The following TOP2B variants were observed in gnomAD, a reference collection of about 807,000 sequenced individuals.
TOP2B encodes the protein DNA topoisomerase II beta, also known as DNA topoisomerase 2-beta.
TOP2B carries 51 observed loss-of-function variants against 193.5 expected under a neutral mutation model. The ratio of observed to expected loss-of-function variants is 0.26; its 90% CI spans 0.21 to 0.33. The LOEUF is 0.33. Ranked by LOEUF, TOP2B falls within the 10% of genes least tolerant of loss-of-function variation. The pLI is 1.00. For missense variants in TOP2B, 1,378 were observed against 1,909.3 expected (o/e 0.72, Z 5.19); for synonymous variants, 634 against 635.7 (o/e 1.00, Z 0.04).
intron 1 of TOP2B, among the ~76,000 whole-genome samples, chr3:25,650,198 C>T (rs113572234): frequency 2.0e-5 from 3 of 152,220 alleles, no homozygotes; most frequent in African/African-American, 7.2e-5. Flanking sequence ...TGGAGAAAGA[C>T]TCTGGTGAAG....
In TOP2B at chr3:25,609,715, A is replaced by G. The variant is rs1702321771; in HGVS notation, c.3787-3T>C. 7.0e-7 allele frequency: 1 copy of G among 1,438,002 alleles called. No individual in the cohort carries two copies. The highest frequency in any genetic ancestry group is 1.8e-4 in the Middle Eastern group (1 of 5,498). The allele number at this position is 1,438,002 out of a possible 1,614,324, so 89.1% of individuals were successfully genotyped here. On this transcript the variant is annotated splice_region_variant and splice_polypyrimidine_tract_variant and intron_variant, in intron 28 of 35. Coordinates refer to ENST00000264331, the MANE Select transcript of TOP2B (RefSeq NM_001330700.2). ...ACTGCTGCAGTATCAAGATCACCCTACATAATAAAAAGAAAATCAAGCCAC... is the reference window on the plus strand; with the variant it reads ...ACTGCTGCAGTATCAAGATCACCCTGCATAATAAAAAGAAAATCAAGCCAC...
chr3:25,641,377 G>T (rs1307401740), intron 4 of TOP2B, among the ~76,000 whole-genome samples: 1 of 151,992 alleles, frequency 6.6e-6, no homozygotes, highest in Non-Finnish European at 1.5e-5. Context: ...GTTTTTAACT[G>T]ACAATTGCCT....
At chr3:25,629,522 T>A (rs1362253670) in intron 13 of TOP2B, among the ~76,000 whole-genome samples, 1 of 152,124 alleles carries the variant, frequency 6.6e-6, no homozygotes, top group Non-Finnish European at 1.5e-5. Context: ...GATAAAAAAT[T>A]GGAAAATTTC....
rs763705195 is a variant in TOP2B at position 25,604,879 on chromosome 3, T to C, written c.4379-9A>G. The C allele has an allele frequency of 2.5e-6, 4 of 1,597,076 alleles. No individual in the cohort carries two copies. The South Asian group carries it at 4.4e-5, about 18-fold the overall frequency. ...GTCAAATTTAGCTGAATCTAAAAAT[T>C]GCAAAGCCTTCTTTTAGTAAAGAGA... On this transcript the variant is annotated splice_polypyrimidine_tract_variant and intron_variant, in intron 32 of 35. Transcript: ENST00000264331.
chr3:25,601,032 G>A (rs369723898), intron 34 of TOP2B, 68 bp downstream of exon 34: 29 of 1,522,560 alleles, frequency 1.9e-5, no homozygotes, highest in African/African-American at 1.5e-4. Flanking sequence ...TAAATTCAAT[G>A]AGGTAGAAAA....
rs142381919 is a variant in TOP2B at position 25,657,031 on chromosome 3, C to T, written c.69+7198G>A. Among the ~76,000 whole-genome samples the T allele has an allele frequency of 1.5e-3, 229 of 152,290 alleles. 6 individuals are homozygous for T. The East Asian group carries it at 0.034, about 23-fold the overall frequency. On this transcript the variant is annotated intron_variant, in intron 1 of 35. Transcript: ENST00000264331. ...ACACAAATAAGATTGGCAGCCTTGGCAGAGTAGAAAGTAGAAATTAACACT... is the reference window on the plus strand; with the variant it reads ...ACACAAATAAGATTGGCAGCCTTGGTAGAGTAGAAAGTAGAAATTAACACT...
intron 29 of TOP2B, 49 bp downstream of exon 29, chr3:25,609,519 A>G: frequency 2.5e-6 from 4 of 1,572,956 alleles, no homozygotes; most frequent in South Asian, 1.2e-5. Flanking sequence ...AATACTCTAT[A>G]CAAATATTTT....
chr3:25,603,647 AT>A (rs1702165173), intron 33 of TOP2B, among the ~76,000 whole-genome samples: 1 of 152,202 alleles, frequency 6.6e-6, no homozygotes, highest in Admixed American at 6.5e-5. Context: ...AAGTATAAGT[AT>A]TTATTTGAGA....
chr3:25,608,246 G>A (rs1288798089), intron 30 of TOP2B, among the ~76,000 whole-genome samples: 3 of 152,116 alleles, frequency 2.0e-5, no homozygotes, highest in Non-Finnish European at 4.4e-5. Context: ...TGCATAAAAA[G>A]ATACCAATTA....
intron 25 of TOP2B, among the ~76,000 whole-genome samples, chr3:25,616,406 A>G (rs1575567442): frequency 7.1e-6 from 1 of 139,956 alleles, no homozygotes; most frequent in Non-Finnish European, 1.5e-5. Context: ...TTTGGTAACC[A>G]AAAGAGGAAA....
At position 25,642,182 on chromosome 3, in the gene TOP2B, G is replaced by T. The variant is rs1703283361; in HGVS notation, c.395+140C>A. 1.4e-5 allele frequency: 7 copies of T among 497,358 alleles called. No individual in the cohort carries two copies. The South Asian group carries it at 3.2e-4, about 23-fold the overall frequency. 30.8% of individuals were successfully genotyped at this position (497,358 alleles called of 1,614,324 possible). On this transcript the variant is annotated intron_variant, in intron 4 of 35. Transcript: ENST00000264331. Reference sequence around the variant, plus strand: ...AAAAGACAATAAATGACACAGAAAAGAGGCAAAAATAACAAAGTCTCAAAC... The same window carrying T: ...AAAAGACAATAAATGACACAGAAAATAGGCAAAAATAACAAAGTCTCAAAC...
chr3:25,650,132 ACT>A (rs1703542644), intron 1 of TOP2B, among the ~76,000 whole-genome samples: 1 of 152,138 alleles, frequency 6.6e-6, no homozygotes, highest in Non-Finnish European at 1.5e-5. Flanking sequence ...TATCATCAAA[ACT>A]CTCATAAAAT....
In TOP2B at chr3:25,627,223, T is replaced by C. The variant is rs1476658670; in HGVS notation, c.1980A>G (p.Arg660=). ...ADMERHRILF[R]YAGPEDDAAI... The stretch of plus-strand genomic sequence containing the variant: ...CAGCATCATCTTCAGGACCAGCATA[T>C]CTAAACAAGATGCGATGCCTTTCCA... The change falls in exon 16 of 36, where the codon AGA becomes AGG. Residue 660 remains arginine (R), a synonymous_variant. Transcript: ENST00000264331. The C allele has an allele frequency of 1.2e-6, 2 of 1,610,182 alleles. No homozygotes were observed. The highest frequency in any genetic ancestry group is 2.2e-5 in the East Asian group (1 of 44,716).
At chr3:25,641,709 A>G in intron 4 of TOP2B, among the ~76,000 whole-genome samples, 1 of 152,134 alleles carries the variant, frequency 6.6e-6, no homozygotes, top group Non-Finnish European at 1.5e-5. Flanking sequence ...TTTTATGTTT[A>G]CTAGAGAAAA....
intron 18 of TOP2B, chr3:25,625,061 A>G (rs1702758995): frequency 3.5e-6 from 1 of 282,800 alleles, no homozygotes; most frequent in Non-Finnish European, 6.7e-6. Flanking sequence ...TTGAAAGACA[A>G]CATTCTGGCC....
At chr3:25,609,489 C>G (rs896253198) in intron 29 of TOP2B, 79 bp downstream of exon 29, 2 of 1,509,038 alleles carry the variant, frequency 1.3e-6, no homozygotes, top group Non-Finnish European at 1.8e-6. Flanking sequence ...AGAAAAAGAG[C>G]ACAATCAAAA....
At chr3:25,660,140 C>G (rs1315361180) in intron 1 of TOP2B, among the ~76,000 whole-genome samples, 2 of 152,130 alleles carry the variant, frequency 1.3e-5, no homozygotes, top group Non-Finnish European at 2.9e-5. Flanking sequence ...AAAAACGTGC[C>G]TAAATACTGC....
In TOP2B at chr3:25,612,617, G is replaced by C; in HGVS notation, c.3684C>G (p.Leu1228=). Reference sequence around the variant, plus strand: ...GTGAGGGCATTGTCTCTTCCAACTGGAGTTTCTTCACCTTAGGTTTGCCAA... The same window carrying C: ...GTGAGGGCATTGTCTCTTCCAACTGCAGTTTCTTCACCTTAGGTTTGCCAA... ...GKVGKPKVKK[L]QLEETMPSPY... is the part of the protein sequence containing the mutation. Residue 1228 remains leucine (L), a synonymous_variant, in exon 28 of 36, where the codon CTC becomes CTG. Transcript: ENST00000264331. 1 of 1,613,616 alleles carries C rather than the reference G, an allele frequency of 6.2e-7. No individual in the cohort carries two copies. The highest frequency in any genetic ancestry group is 8.5e-7 in the Non-Finnish European group (1 of 1,179,784).
intron 1 of TOP2B, among the ~76,000 whole-genome samples, chr3:25,648,258 T>G (rs1456117649): frequency 6.6e-6 from 1 of 152,174 alleles, no homozygotes; most frequent in Non-Finnish European, 1.5e-5. Flanking sequence ...GGAGCTCCAG[T>G]ACTGTAGTTT....
Sources: allele counts gnomAD v4.1 joint callset (sites outside exome capture counted in the v4.1 genomes callset), GRCh38; gene constraint gnomAD v4.1.1; transcripts MANE v1.5; gene names NCBI Gene and HGNC (gene_info 2026-07-23, HGNC 2026-07-21).